Variants in EFNB1 observed in about 807,000 individuals in gnomAD.
EFNB1 encodes the protein ephrin-B1.
In EFNB1, 1 loss-of-function variant was observed where a neutral mutation model predicts 18.1. The observed-to-expected ratio is 0.06, with a 90% CI of 0.02 to 0.26. EFNB1 has a LOEUF of 0.26. EFNB1 is among the 10% of genes least tolerant of loss of function. The pLI is 1.00. For missense variants in EFNB1, 221 were observed against 301.8 expected (o/e 0.73, Z 1.98); for synonymous variants, 131 against 127.5 (o/e 1.03, Z -0.19).
chrX:68,831,012 G>T (rs1273537425), intron 1 of EFNB1, among the ~76,000 whole-genome samples: 1 of 111,187 alleles, frequency 9.0e-6, no homozygotes, highest in African/African-American at 3.3e-5. Flanking sequence ...GACTCAGGTT[G>T]GAACCAAGGG....
chrX:68,838,332 G>A (rs1002526783), intron 1 of EFNB1, among the ~76,000 whole-genome samples: 4 of 110,185 alleles, frequency 3.6e-5, no homozygotes, highest in Admixed American at 9.5e-5. Flanking sequence ...AGCCCCCTGC[G>A]GAAATGCCAC....
At chrX:68,831,604 A>C (rs1349120121) in intron 1 of EFNB1, among the ~76,000 whole-genome samples, 1 of 110,560 alleles carries the variant, frequency 9.0e-6, no homozygotes, top group African/African-American at 3.3e-5. Flanking sequence ...TTGAGCCAGG[A>C]GAGTTGAAAT....
Position 68,840,272 on chromosome X carries a change from C to T in EFNB1, c.659C>T (p.Pro220Leu). 8.3e-7 allele frequency: 1 copy of T among 1,212,004 alleles called. No homozygotes were observed. Among genetic ancestry groups the T allele is most frequent in the Non-Finnish European group, 1.1e-6 (1 of 895,575 alleles). The part of the protein sequence containing the change: ...ETVNQEEKSG[P>L]GASGGSSGDP... ...GTGAACCAGGAAGAGAAGAGTGGCC[C>T]AGGTGCAAGTGGGGGCAGCAGCGGG... The change falls in exon 5 of 5, where the codon CCA becomes CTA. Residue 220 changes from proline (P) to leucine (L), a missense_variant. Transcript: ENST00000204961.
intron 1 of EFNB1, among the ~76,000 whole-genome samples, chrX:68,833,411 G>A (rs2080452163): frequency 8.9e-6 from 1 of 112,433 alleles, no homozygotes; most frequent in South Asian, 3.7e-4. Flanking sequence ...TGTGAGGCTG[G>A]GGTGGGGACT....
At chrX:68,837,238 T>C (rs2080462963) in intron 1 of EFNB1, among the ~76,000 whole-genome samples, 2 of 111,955 alleles carry the variant, frequency 1.8e-5, no homozygotes, top group Non-Finnish European at 1.9e-5. Flanking sequence ...CTCCAAAATA[T>C]GAGAGTGAGC....
intron 1 of EFNB1, 103 bp from the exon 2 acceptor site, chrX:68,838,514 C>A: frequency 9.8e-7 from 1 of 1,017,379 alleles, no homozygotes; most frequent in Admixed American, 2.4e-5. Flanking sequence ...CTTGCCATCT[C>A]CACCCAGTAG....
intron 1 of EFNB1, among the ~76,000 whole-genome samples, chrX:68,833,608 A>G (rs2080452856): frequency 9.0e-6 from 1 of 111,127 alleles, no homozygotes; most frequent in Non-Finnish European, 1.9e-5. Flanking sequence ...GGGAGAGTCC[A>G]CTCTGTGACT....
In EFNB1 at chrX:68,840,738, C is replaced by A. The variant is rs1205986518; in HGVS notation, c.*84C>A. On this transcript the variant is annotated 3_prime_UTR_variant, in exon 5 of 5. Coordinates refer to ENST00000204961, the MANE Select transcript of EFNB1 (RefSeq NM_004429.5). ...TCGCCCCCACACCCCCTCCCCTTGC[C>A]AGCTGTGCCCACCTTTGTATTTAGT... The A allele has an allele frequency of 3.0e-6, 3 of 989,968 alleles. No individual in the cohort carries two copies. The highest frequency in any genetic ancestry group is 4.2e-6 in the Non-Finnish European group (3 of 717,996). The allele number at this position is 989,968 out of a possible 1,213,427, so 81.6% of individuals were successfully genotyped here.
intron 1 of EFNB1, among the ~76,000 whole-genome samples, chrX:68,835,926 C>T (rs1448361058): frequency 9.0e-6 from 1 of 111,395 alleles, no homozygotes; most frequent in Non-Finnish European, 1.9e-5. Context: ...GGAGACTGCA[C>T]TTGGGGTAGA....
intron 1 of EFNB1, among the ~76,000 whole-genome samples, chrX:68,831,819 G>A (rs768143718): frequency 9.1e-6 from 1 of 110,462 alleles, no homozygotes; most frequent in East Asian, 2.9e-4. Context: ...CAGGTTTTGG[G>A]GGGTGGTATC....
chrX:68,840,543 G>A lies in EFNB1; in HGVS notation c.930G>A (p.Glu310=). 8.3e-7 allele frequency: 1 copy of A among 1,211,537 alleles called. No homozygotes were observed. Among genetic ancestry groups the A allele is most frequent in the Non-Finnish European group, 1.1e-6 (1 of 895,374 alleles). ...SDIIIPLRTT[E]NNYCPHYEKV... is the part of the protein sequence containing the mutation. ...TCATCATTCCCTTACGGACTACAGAGAACAACTACTGCCCCCACTATGAGA... is the reference window on the plus strand; with the variant it reads ...TCATCATTCCCTTACGGACTACAGAAAACAACTACTGCCCCCACTATGAGA... The change falls in exon 5 of 5, where the codon GAG becomes GAA. Residue 310 remains glutamate, a synonymous_variant. Coordinates refer to ENST00000204961, the MANE Select transcript of EFNB1 (RefSeq NM_004429.5).
chrX:68,840,045 C>T lies in EFNB1; in HGVS notation c.585C>T (p.Ala195=). ...ADNTVKMATQ[A]PGSRGSLGDS... Reference sequence around the variant, plus strand: ...ACACTGTCAAGATGGCCACACAGGCCCCTGGTAGTCGGGGCTCCCTGGGTG... The same window carrying T: ...ACACTGTCAAGATGGCCACACAGGCTCCTGGTAGTCGGGGCTCCCTGGGTG... The change falls in exon 4 of 5, where the codon GCC becomes GCT. Residue 195 remains alanine, a synonymous_variant. Coordinates refer to ENST00000204961, the MANE Select transcript of EFNB1 (RefSeq NM_004429.5). 1 of 1,211,977 alleles carries T rather than the reference C, an allele frequency of 8.3e-7. No homozygotes were observed. The highest frequency in any genetic ancestry group is 1.1e-6 in the Non-Finnish European group (1 of 895,539).
rs1481593306 is a variant in EFNB1, at chrX:68,829,107, C to A, written c.-670C>A. On this transcript the variant is annotated 5_prime_UTR_variant, in exon 1 of 5. Transcript: ENST00000204961. ...CGATCGCCCGGGAGCCAGGACTCGG[C>A]GACGCGAGGCTGCCGGGCTACCCGG... The A allele has an allele frequency of 8.7e-6, 1 of 114,471 alleles. No individual in the cohort carries two copies. The highest frequency in any genetic ancestry group is 1.8e-5 in the Non-Finnish European group (1 of 54,526). 9.4% of individuals were successfully genotyped at this position (114,471 alleles called of 1,213,427 possible).
At position 68,840,603 on chromosome X, in the gene EFNB1, C is replaced by A; in HGVS notation, c.990C>A (p.Ile330=). 2.5e-6 allele frequency: 3 copies of A among 1,210,812 alleles called. No individual in the cohort carries two copies. The South Asian group carries it at 5.3e-5, about 21-fold the overall frequency. Residue 330 remains isoleucine (I), a synonymous_variant, in exon 5 of 5, where the codon ATC becomes ATA. Coordinates refer to ENST00000204961, the MANE Select transcript of EFNB1 (RefSeq NM_004429.5). The part of the protein sequence containing the change: ...VSGDYGHPVY[I]VQEMPPQSPA... ...GGGACTACGGGCACCCTGTCTACAT[C>A]GTCCAAGAGATGCCGCCCCAGAGCC...
chrX:68,835,764 T>G (rs772478700), intron 1 of EFNB1, among the ~76,000 whole-genome samples: 4 of 111,895 alleles, frequency 3.6e-5, no homozygotes, highest in South Asian at 3.8e-4. Flanking sequence ...TTGAAGAGAC[T>G]CTGAGGGGTT....
rs2080480565 is a variant in EFNB1, at chrX:68,841,909, A to G, written c.*1255A>G. ...CATGGAAGGAGCTGGCCCTCACACC[A>G]TCCACCTCCACACTGCCTCCTGGCC... On this transcript the variant is annotated 3_prime_UTR_variant, in exon 5 of 5. Transcript: ENST00000204961. The G allele has an allele frequency of 8.9e-6, 1 of 112,843 alleles. No homozygotes were observed. Among genetic ancestry groups the G allele is most frequent in the African/African-American group, 3.2e-5 (1 of 30,978 alleles). The allele number at this position is 112,843 out of a possible 1,213,427, so 9.3% of individuals were successfully genotyped here. A position where few individuals can be genotyped will look rare whatever the true frequency, so the allele number is the denominator to read the frequency against.
At position 68,840,716 on chromosome X, in the gene EFNB1, C is replaced by T. The variant is rs1213125181; in HGVS notation, c.*62C>T. 1.8e-6 allele frequency: 2 copies of T among 1,090,868 alleles called. No homozygotes were observed. Among genetic ancestry groups the T allele is most frequent in the Admixed American group, 2.5e-5 (1 of 39,456 alleles). The allele number at this position is 1,090,868 out of a possible 1,213,427, so 89.9% of individuals were successfully genotyped here. On this transcript the variant is annotated 3_prime_UTR_variant, in exon 5 of 5. Transcript: ENST00000204961. ...GGCCTGGACCGGACCTCTCCTTTCG[C>T]CCCCACACCCCCTCCCCTTGCCAGC...
Position 68,829,687 on chromosome X carries a change from G to A in EFNB1, c.-90G>A. The A allele has an allele frequency of 2.6e-6, 3 of 1,151,199 alleles. No homozygotes were observed. The highest frequency in any genetic ancestry group is 1.9e-5 in the South Asian group (1 of 52,418). The allele number at this position is 1,151,199 out of a possible 1,213,427, so 94.9% of individuals were successfully genotyped here. On this transcript the variant is annotated 5_prime_UTR_variant, in exon 1 of 5. Transcript: ENST00000204961. ...GGCTGCGGAGGATGGGCGCCTGAGC[G>A]GCTCCGAGCGCAGCGCGGCAGAGGA...
At chrX:68,836,066 A>G (rs773566500) in intron 1 of EFNB1, among the ~76,000 whole-genome samples, 22 of 111,709 alleles carry the variant, frequency 2.0e-4, no homozygotes, top group Non-Finnish European at 5.6e-5. Context: ...GGATTCAGGT[A>G]ATGTTTTAGG....
Sources: allele counts gnomAD v4.1 joint callset (sites outside exome capture counted in the v4.1 genomes callset), GRCh38; gene constraint gnomAD v4.1.1; transcripts MANE v1.5; gene names NCBI Gene and HGNC (gene_info 2026-07-23, HGNC 2026-07-21).